Variants in RBMS1 observed in about 807,000 individuals in gnomAD.
RBMS1 encodes the protein RNA binding motif single stranded interacting protein 1, also known as RNA-binding motif, single-stranded-interacting protein 1.
A neutral mutation model predicts 62.3 loss-of-function variants in RBMS1; 17 were observed. That is an observed-to-expected ratio of 0.27 (90% CI 0.19 to 0.41). RBMS1 has a LOEUF of 0.41. Among genes scored for constraint, RBMS1 ranks in the 10% least tolerant of loss-of-function variants. The probability of loss-of-function intolerance (pLI) is 1.00; values close to 1 mark genes in which losing one functional copy is unlikely to be tolerated. For missense variants in RBMS1, 334 were observed against 504.5 expected (o/e 0.66, Z 3.24); for synonymous variants, 172 against 170.0 (o/e 1.01, Z -0.09).
chr2:160,352,227 T>C (rs1022041254), intron 2 of RBMS1, among the ~76,000 whole-genome samples: 4 of 152,100 alleles, frequency 2.6e-5, no homozygotes, highest in Non-Finnish European at 5.9e-5. Flanking sequence ...TGGTTCCTCC[T>C]AAAAGCCATA....
intron 2 of RBMS1, among the ~76,000 whole-genome samples, chr2:160,341,369 C>A (rs996989894): frequency 9.2e-5 from 14 of 152,158 alleles, no homozygotes; most frequent in South Asian, 2.1e-4. Context: ...TCTACCAGCA[C>A]CCATCTCACT....
chr2:160,447,899 C>T (rs1683729122), intron 1 of RBMS1, among the ~76,000 whole-genome samples: 1 of 152,232 alleles, frequency 6.6e-6, no homozygotes, highest in Admixed American at 6.5e-5. Context: ...TTCCCCAAGA[C>T]TCTGATCTGA....
In RBMS1 at chr2:160,311,232, C is replaced by CTATCTATCTA. The variant is rs1381483574; in HGVS notation, c.402+1923_402+1924insTAGATAGATA. Among the ~76,000 whole-genome samples, 164 of 79,256 alleles carry CTATCTATCTA rather than the reference C, an allele frequency of 2.1e-3. 2 individuals are homozygous for CTATCTATCTA. Among genetic ancestry groups the CTATCTATCTA allele is most frequent in the African/African-American group, 2.6e-3 (59 of 22,734 alleles). 52.0% of individuals were successfully genotyped at this position (79,256 alleles called of 152,430 possible). On this transcript the variant is annotated intron_variant, in intron 4 of 13. Coordinates refer to ENST00000348849, the MANE Select transcript of RBMS1 (RefSeq NM_016836.4). ...AAAATCTATCTATCTATCTATCTAT[C>CTATCTATCTA]TATATATATATATATATATATATAT... is the stretch of plus-strand genomic sequence containing the variant.
intron 1 of RBMS1, among the ~76,000 whole-genome samples, chr2:160,389,553 C>T (rs991361550): frequency 2.6e-5 from 4 of 151,804 alleles, no homozygotes; most frequent in African/African-American, 9.7e-5. Context: ...CAAAAATTAG[C>T]CAGGCGGGGT....
intron 1 of RBMS1, among the ~76,000 whole-genome samples, chr2:160,368,930 G>A (rs182494079): frequency 7.7e-4 from 117 of 152,304 alleles, no homozygotes; most frequent in African/African-American, 2.6e-3. Context: ...ATGAGCCATC[G>A]TGCCTGGCCC....
intron 1 of RBMS1, among the ~76,000 whole-genome samples, chr2:160,490,990 T>C (rs1428218184): frequency 1.3e-5 from 2 of 152,150 alleles, no homozygotes; most frequent in African/African-American, 2.4e-5. Flanking sequence ...CTAAGAGAGT[T>C]TATTAACTCT....
chr2:160,330,618 G>GTTTTTTTTTTTT (rs71003488), intron 2 of RBMS1, among the ~76,000 whole-genome samples: 3 of 141,498 alleles, frequency 2.1e-5, no homozygotes, highest in Non-Finnish European at 1.5e-5. Flanking sequence ...ATGAAAATAT[G>GTTTTTTTTTTTT]TTTTTTTTTT....
At chr2:160,477,936 A>C (rs1685211087) in intron 1 of RBMS1, among the ~76,000 whole-genome samples, 1 of 152,250 alleles carries the variant, frequency 6.6e-6, no homozygotes, top group African/African-American at 2.4e-5. Context: ...GATTTGAAAC[A>C]ATCTATTTAC....
At chr2:160,416,611 G>A (rs1329462405) in intron 1 of RBMS1, among the ~76,000 whole-genome samples, 2 of 152,048 alleles carry the variant, frequency 1.3e-5, no homozygotes, top group African/African-American at 4.8e-5. Flanking sequence ...CACCAGTGCC[G>A]ACCTTTTTTT....
At chr2:160,482,143 A>G (rs996474610) in intron 1 of RBMS1, among the ~76,000 whole-genome samples, 8 of 152,208 alleles carry the variant, frequency 5.3e-5, no homozygotes, top group East Asian at 3.8e-4. Context: ...AAAAGAACCA[A>G]CTGCACACAT....
rs925048518 is a variant in RBMS1 at position 160,457,555 on chromosome 2, T to C, written c.75+35734A>G. 3.9e-5 allele frequency among the ~76,000 whole-genome samples: 6 copies of C among 152,248 alleles called. No individual in the cohort carries two copies. In the South Asian group the frequency reaches 8.3e-4, roughly 21 times the overall value. ...GTGTGGGAGAAAGGAAACACAACCA[T>C]TTCTTGCAGAACTAATGGCTTCAAG... is the stretch of plus-strand genomic sequence containing the variant. On this transcript the variant is annotated intron_variant, in intron 1 of 13. Transcript: ENST00000348849.
intron 2 of RBMS1, among the ~76,000 whole-genome samples, chr2:160,343,056 C>A (rs1691969330): frequency 1.3e-5 from 2 of 152,178 alleles, no homozygotes; most frequent in African/African-American, 4.8e-5. Flanking sequence ...ATAAGACAAA[C>A]TGAGATCCCA....
chr2:160,277,867 T>G (rs1687917164), intron 11 of RBMS1: 1 of 157,666 alleles, frequency 6.3e-6, no homozygotes, highest in Non-Finnish European at 1.4e-5. Flanking sequence ...CTGACAGTCA[T>G]CCTTTCCCAA....
At position 160,274,586 on chromosome 2, in the gene RBMS1, G is replaced by A. The variant is rs746086894; in HGVS notation, c.*186C>T. ...GGAACAGCTACTAGATGAATTTAAG[G>A]GTTTTATGCACCTTATAGAACTTAT... On this transcript the variant is annotated 3_prime_UTR_variant, in exon 14 of 14. Transcript: ENST00000348849. The A allele has an allele frequency of 2.7e-5, 4 of 148,666 alleles. No individual in the cohort carries two copies. Among genetic ancestry groups the A allele is most frequent in the Non-Finnish European group, 4.5e-5 (3 of 67,408 alleles). The allele number at this position is 148,666 out of a possible 1,614,324, so 9.2% of individuals were successfully genotyped here.
chr2:160,307,637 C>T (rs1463920051), intron 4 of RBMS1, among the ~76,000 whole-genome samples: 1 of 152,198 alleles, frequency 6.6e-6, no homozygotes, highest in East Asian at 1.9e-4. Flanking sequence ...GGCCCAAGGC[C>T]ATTAGGTTAA....
At chr2:160,356,355 C>T (rs760412009) in intron 2 of RBMS1, among the ~76,000 whole-genome samples, 6 of 152,028 alleles carry the variant, frequency 3.9e-5, no homozygotes, top group Non-Finnish European at 4.4e-5. Flanking sequence ...GGTGCTTTTT[C>T]TAATAAAATC....
intron 1 of RBMS1, among the ~76,000 whole-genome samples, chr2:160,372,996 C>G (rs976028281): frequency 2.0e-5 from 3 of 152,032 alleles, no homozygotes; most frequent in African/African-American, 4.8e-5. Flanking sequence ...CATTTGATAA[C>G]AAGGATATCA....
At chr2:160,393,671 G>A (rs1694979944) in intron 1 of RBMS1, among the ~76,000 whole-genome samples, 1 of 151,962 alleles carries the variant, frequency 6.6e-6, no homozygotes, top group South Asian at 2.1e-4. Flanking sequence ...CAGCTACTCG[G>A]GAGGCTGAGG....
chr2:160,340,857 T>C (rs568516801), intron 2 of RBMS1, among the ~76,000 whole-genome samples: 49 of 152,282 alleles, frequency 3.2e-4, no homozygotes, highest in Non-Finnish European at 6.2e-4. Context: ...CTCATGTAAG[T>C]CTTAGAGGCA....
Sources: allele counts gnomAD v4.1 joint callset (sites outside exome capture counted in the v4.1 genomes callset), GRCh38; gene constraint gnomAD v4.1.1; transcripts MANE v1.5; gene names NCBI Gene and HGNC (gene_info 2026-07-23, HGNC 2026-07-21).